Variants in APOBEC1 observed in about 807,000 individuals in gnomAD.
The protein encoded by APOBEC1 is C->U-editing enzyme APOBEC-1.
In APOBEC1, 22 loss-of-function variants were observed where a neutral mutation model predicts 26.3. The observed-to-expected ratio is 0.84, with a 90% CI of 0.60 to 1.19. The LOEUF is 1.19. Among genes scored for constraint, APOBEC1 ranks in the 50% most tolerant of loss-of-function variants. The pLI is 0.00. For synonymous variants in APOBEC1, 77 were observed against 95.3 expected (o/e 0.81, Z 1.12); for missense variants, 253 against 289.0 (o/e 0.88, Z 0.90).
At chr12:7,654,888 T>A (rs1033153017) in intron 1 of APOBEC1, among the ~76,000 whole-genome samples, 2 of 152,134 alleles carry the variant, frequency 1.3e-5, no homozygotes, top group Non-Finnish European at 2.9e-5. Flanking sequence ...CAAAAATGAT[T>A]AAGCACAATG....
chr12:7,652,301 C>G (rs1863654470), intron 3 of APOBEC1, 137 bp downstream of exon 3: 1 of 737,346 alleles, frequency 1.4e-6, no homozygotes, highest in South Asian at 2.3e-5. Flanking sequence ...AATTTCAGAC[C>G]TAGTCCTTTA....
At chr12:7,664,425 C>A (rs1215983042) in intron 1 of APOBEC1, among the ~76,000 whole-genome samples, 1 of 152,212 alleles carries the variant, frequency 6.6e-6, no homozygotes, top group Non-Finnish European at 1.5e-5. Flanking sequence ...TTGAGCCTGG[C>A]ATTCGAAGTC....
At position 7,652,597 on chromosome 12, in the gene APOBEC1, C is replaced by G; in HGVS notation, c.283G>C (p.Glu95Gln). The change falls in exon 3 of 5, where the codon GAA becomes CAA. Residue 95 changes from glutamate (E) to glutamine (Q), a missense_variant. Coordinates refer to ENST00000229304, the MANE Select transcript of APOBEC1 (RefSeq NM_001644.5). ...AACTCTCTAATAGCCTGGGAGCATT[C>G]CCAGCAGGGACTCCAGGACAAGAAC... is the stretch of plus-strand genomic sequence containing the variant. ...TWFLSWSPCW[E>Q]CSQAIREFLS... The G allele has an allele frequency of 6.2e-7, 1 of 1,614,210 alleles. No individual in the cohort carries two copies. Among genetic ancestry groups the G allele is most frequent in the East Asian group, 2.2e-5 (1 of 44,880 alleles).
rs1334373542 is a variant in APOBEC1, at chr12:7,652,798, C to CATAGAA, written c.76_81dup (p.Phe26_Tyr27dup). On this transcript the variant is annotated inframe_insertion, in exon 3 of 5. Coordinates refer to ENST00000229304, the MANE Select transcript of APOBEC1 (RefSeq NM_001644.5). ...GCCTCTTTACGAAGTTCTCTGGGGT[C>CATAGAA]ATAGAAGACGTCAAACTCCCAGGGT... 2 of 1,604,002 alleles carry CATAGAA rather than the reference C, an allele frequency of 1.2e-6. No homozygotes were observed. Among genetic ancestry groups the CATAGAA allele is most frequent in the Non-Finnish European group, 1.7e-6 (2 of 1,175,114 alleles).
chr12:7,650,522 C>A (rs1863623163), intron 4 of APOBEC1, among the ~76,000 whole-genome samples: 1 of 152,250 alleles, frequency 6.6e-6, no homozygotes, highest in South Asian at 2.1e-4. Flanking sequence ...CCCTTCTCCA[C>A]TTACCTCCCA....
intron 3 of APOBEC1, among the ~76,000 whole-genome samples, chr12:7,651,843 C>T (rs1393254873): frequency 6.6e-6 from 1 of 150,992 alleles, no homozygotes; most frequent in Non-Finnish European, 1.5e-5. Context: ...TATCTTGAGA[C>T]GGAGTCTCGC....
chr12:7,653,439 TAAGC>T (rs1863674089), intron 2 of APOBEC1, among the ~76,000 whole-genome samples: 1 of 151,888 alleles, frequency 6.6e-6, no homozygotes, highest in African/African-American at 2.4e-5. Context: ...AATTCAGGTG[TAAGC>T]GTGTCTTTGT....
chr12:7,661,997 C>T (rs1340060564), intron 1 of APOBEC1, among the ~76,000 whole-genome samples: 1 of 152,196 alleles, frequency 6.6e-6, no homozygotes, highest in African/African-American at 2.4e-5. Flanking sequence ...ATAATCCCAA[C>T]ACTTCAGGAG....
chr12:7,668,169 T>C (rs984531109), upstream of APOBEC1, among the ~76,000 whole-genome samples: 2 of 152,056 alleles, frequency 1.3e-5, no homozygotes, highest in African/African-American at 4.8e-5. Context: ...GAATTCTGCT[T>C]GCTGGCTCAA....
chr12:7,649,598 T>A lies in APOBEC1; in HGVS notation c.660A>T (p.Pro220=). The A allele has an allele frequency of 2.5e-6, 4 of 1,614,184 alleles. No individual in the cohort carries two copies. Among genetic ancestry groups the A allele is most frequent in the Non-Finnish European group, 3.4e-6 (4 of 1,180,020 alleles). Residue 220 remains proline (P), a synonymous_variant, in exon 5 of 5, where the codon CCA becomes CCT. Coordinates refer to ENST00000229304, the MANE Select transcript of APOBEC1 (RefSeq NM_001644.5). The part of the protein sequence containing the change: ...LQNCHYQTIP[P]HILLATGLIH... Reference sequence around the variant, plus strand: ...TCAGCCCTGTAGCTAAAAGGATGTGTGGCGGAATCGTTTGGTAATGGCAGT... The same window carrying A: ...TCAGCCCTGTAGCTAAAAGGATGTGAGGCGGAATCGTTTGGTAATGGCAGT...
At chr12:7,652,892 T>C (rs1041337710) in intron 2 of APOBEC1, 57 bp from the exon 3 acceptor site, 139 of 1,324,942 alleles carry the variant, frequency 1.0e-4, no homozygotes, top group Non-Finnish European at 1.3e-4. Context: ...ATCTTAGAAA[T>C]CTTTTCCTGC....
In APOBEC1 at chr12:7,665,840, C is replaced by T. The variant is rs777061020; in HGVS notation, c.16+17G>A. ...CATTGTTCAAGAATACTTGCCAAGC[C>T]CCCGGATCCATTTTACCTTTCTCAG... On this transcript the variant is annotated intron_variant, in intron 1 of 4. Coordinates refer to ENST00000229304, the MANE Select transcript of APOBEC1 (RefSeq NM_001644.5). 6.2e-7 allele frequency: 1 copy of T among 1,610,838 alleles called. No homozygotes were observed. The highest frequency in any genetic ancestry group is 2.2e-5 in the East Asian group (1 of 44,642).
intron 3 of APOBEC1, 89 bp downstream of exon 3, chr12:7,652,349 C>T: frequency 6.5e-6 from 8 of 1,240,252 alleles, no homozygotes; most frequent in Non-Finnish European, 8.9e-6. Context: ...AGACTTCCAG[C>T]CTGGGCTAAC....
chr12:7,670,360 T>A (rs1863936487), upstream of APOBEC1, among the ~76,000 whole-genome samples: 1 of 142,154 alleles, frequency 7.0e-6, no homozygotes, highest in Non-Finnish European at 1.5e-5. Context: ...GATACAAGCT[T>A]TGTCATATCT....
chr12:7,670,525 C>T (rs1472255644), upstream of APOBEC1, among the ~76,000 whole-genome samples: 11 of 138,866 alleles, frequency 7.9e-5, 1 homozygote. Flanking sequence ...GAGGCCAAGG[C>T]GGGTGGATCG....
intron 1 of APOBEC1, 53 bp downstream of exon 1, chr12:7,665,804 C>CACA: frequency 7.7e-7 from 1 of 1,306,904 alleles, no homozygotes; most frequent in South Asian, 1.2e-5. Context: ...CACACACACA[C>CACA]ACCATTCTTG....
chr12:7,668,820 C>G (rs1478232917), upstream of APOBEC1, among the ~76,000 whole-genome samples: 3 of 152,098 alleles, frequency 2.0e-5, no homozygotes, highest in East Asian at 3.9e-4. Flanking sequence ...CCTCAGCCCC[C>G]CGGGTTCAAG....
chr12:7,650,935 G>T, intron 4 of APOBEC1, 88 bp downstream of exon 4: 3 of 914,284 alleles, frequency 3.3e-6, no homozygotes, highest in Admixed American at 4.2e-5. Flanking sequence ...ATGTCAAAAA[G>T]AAGATATGAG....
chr12:7,653,044 C>T (rs1022866498), intron 2 of APOBEC1, among the ~76,000 whole-genome samples: 1 of 152,116 alleles, frequency 6.6e-6, no homozygotes, highest in Non-Finnish European at 1.5e-5. Context: ...ATTTTTCTGC[C>T]TCAACTTCCC....
Sources: gnomAD v4.1 joint callset for allele counts (sites outside exome capture counted in the v4.1 genomes callset) on GRCh38, gnomAD v4.1.1 for gene constraint, MANE v1.5 for transcripts, NCBI Gene and HGNC (gene_info 2026-07-23, HGNC 2026-07-21) for gene names.